The following SLC27A4 variants were observed in gnomAD, a reference collection of about 807,000 sequenced individuals.
The protein encoded by SLC27A4 is solute carrier family 27 member 4.
A neutral mutation model predicts 64.4 loss-of-function variants in SLC27A4; 33 were observed. The observed-to-expected ratio is 0.51, with a 90% CI of 0.39 to 0.68. The LOEUF (loss-of-function observed/expected upper bound fraction) is 0.68, where lower values mean the gene tolerates loss of function less well. Ranked by LOEUF, SLC27A4 falls within the 30% of genes least tolerant of loss-of-function variation. SLC27A4 has a pLI of 0.00. For synonymous variants in SLC27A4, 377 were observed against 370.0 expected, an observed-to-expected ratio of 1.02 and a Z score of -0.22; for missense variants, 824 against 883.5, an observed-to-expected ratio of 0.93 and a Z score of 0.85.
chr9:128,340,707 G>GC lies in SLC27A4; in HGVS notation c.-137dup. ...TGGCGGGGCGGCCGGGCCATGCAGG[G>GC]CGCAGAGCCGGCTAAACCCTGCTGA... On this transcript the variant is annotated 5_prime_UTR_variant, in exon 1 of 13. The change creates a premature stop within an existing upstream ORF in the 5' untranslated region. Coordinates refer to ENST00000300456, the MANE Select transcript of SLC27A4 (RefSeq NM_005094.4). 1.9e-6 allele frequency: 1 copy of GC among 536,074 alleles called. No individual in the cohort carries two copies. Among genetic ancestry groups the GC allele is most frequent in the South Asian group, 2.3e-5 (1 of 43,324 alleles). The allele number at this position is 536,074 out of a possible 1,614,324, so 33.2% of individuals were successfully genotyped here. A position where few individuals can be genotyped will look rare whatever the true frequency, so the allele number is the denominator to read the frequency against.
chr9:128,353,559 CAG>C lies in SLC27A4; in HGVS notation c.1324+23_1324+24del, dbSNP rs1832770934. ...CCAGCCAGGTCTGCCACTTCGGGGT[CAG>C]AGAGGGAGGGGTTGGCCTGGGAAGG... On this transcript the variant is annotated intron_variant, in intron 9 of 12. Coordinates refer to ENST00000300456, the MANE Select transcript of SLC27A4 (RefSeq NM_005094.4). The surrounding 1 kb of genome is among the most constrained non-coding windows in gnomAD (Gnocchi z 4.9). The C allele has an allele frequency of 6.2e-7, 1 of 1,612,962 alleles. No homozygotes were observed. Among genetic ancestry groups the C allele is most frequent in the East Asian group, 2.2e-5 (1 of 44,846 alleles).
chr9:128,356,791 CATAAAA>C (rs1397567833), intron 12 of SLC27A4, among the ~76,000 whole-genome samples: 1 of 127,836 alleles, frequency 7.8e-6, no homozygotes, highest in Non-Finnish European at 1.6e-5. Context: ...AAAATACAAA[CATAAAA>C]ATAAAAAAAT....
chr9:128,355,108 C>G lies in SLC27A4; in HGVS notation c.1380C>G (p.Phe460Leu). ...RIIQKDPLRRFDGYLNQGANN... is the reference protein window; with the variant it reads ...RIIQKDPLRRLDGYLNQGANN... ...TCCAGAAAGACCCCCTGCGCCGCTT[C>G]GATGGCTACCTCAACCAGGGCGCCA... Residue 460 changes from phenylalanine to leucine, a missense_variant, in exon 10 of 13, where the codon TTC (phenylalanine) becomes TTG (leucine). Phe to Leu is a conservative substitution (Grantham distance 22). Coordinates refer to ENST00000300456, the MANE Select transcript of SLC27A4 (RefSeq NM_005094.4). 6.2e-7 allele frequency: 1 copy of G among 1,613,566 alleles called. No individual in the cohort carries two copies. Among genetic ancestry groups the G allele is most frequent in the Non-Finnish European group, 8.5e-7 (1 of 1,179,808 alleles).
In SLC27A4 at chr9:128,348,602, C is replaced by G; in HGVS notation, c.614C>G (p.Ser205Cys). 2 of 1,613,822 alleles carry G rather than the reference C, an allele frequency of 1.2e-6. No homozygotes were observed. The highest frequency in any genetic ancestry group is 1.7e-6 in the Non-Finnish European group (2 of 1,180,028). ...DPSLSLFCSGSWEPGAVPPST... is the reference protein window; with the variant it reads ...DPSLSLFCSGCWEPGAVPPST... ...TCGCTCAGCCTCTTCTGCTCTGGCT[C>G]CTGGGAGCCCGGTGCGGTGCCTCCA... is the stretch of plus-strand genomic sequence containing the variant. The change falls in exon 4 of 13, where the codon TCC becomes TGC. Residue 205 changes from serine to cysteine, a missense_variant. Transcript: ENST00000300456.
At chr9:128,343,003 C>T (rs1832599158) in intron 1 of SLC27A4, 124 bp from the exon 2 acceptor site, 5 of 1,275,304 alleles carry the variant, frequency 3.9e-6, no homozygotes, top group Admixed American at 4.0e-5. Flanking sequence ...TCACCCAACT[C>T]AGTATGGCTA....
rs1832554723 is a variant in SLC27A4, at chr9:128,340,643, G to T, written c.-202G>T. On this transcript the variant is annotated 5_prime_UTR_variant, in exon 1 of 13. Coordinates refer to ENST00000300456, the MANE Select transcript of SLC27A4 (RefSeq NM_005094.4). ...GTTTGGGGTGCGGGAGGCGGGCGGGGTAGGAGCGCGGCGGGCGGGGCCGGG... is the reference window on the plus strand; with the variant it reads ...GTTTGGGGTGCGGGAGGCGGGCGGGTTAGGAGCGCGGCGGGCGGGGCCGGG... 6.3e-6 allele frequency: 2 copies of T among 315,870 alleles called. No homozygotes were observed. The highest frequency in any genetic ancestry group is 1.1e-5 in the Non-Finnish European group (2 of 177,606). The allele number at this position is 315,870 out of a possible 1,614,324, so 19.6% of individuals were successfully genotyped here.
intron 4 of SLC27A4, among the ~76,000 whole-genome samples, chr9:128,349,464 C>T (rs1832703474): frequency 6.6e-6 from 1 of 152,154 alleles, no homozygotes; most frequent in African/African-American, 2.4e-5. Flanking sequence ...GGGGCCAGTC[C>T]TGAAGCTAGG....
rs1208801258 is a variant in SLC27A4 at position 128,345,973 on chromosome 9, T to G, written c.556+424T>G. On this transcript the variant is annotated intron_variant, in intron 3 of 12. Transcript: ENST00000300456. This position sits in a 1 kb window ranked among gnomAD's most constrained non-coding sequence, Gnocchi z 4.1. ...TGGAGTGCAGTGGTGCAGTCACAGC[T>G]CACTGCAGCCTTGACCTCTCAGGCT... Among the ~76,000 whole-genome samples, 3 of 151,992 alleles carry G rather than the reference T, an allele frequency of 2.0e-5. No individual in the cohort carries two copies. The highest frequency in any genetic ancestry group is 4.4e-5 in the Non-Finnish European group (3 of 67,996).
chr9:128,348,332 G>A (rs1318494095), intron 3 of SLC27A4, among the ~76,000 whole-genome samples: 1 of 152,216 alleles, frequency 6.6e-6, no homozygotes, highest in Non-Finnish European at 1.5e-5. Flanking sequence ...TGAGACCAGG[G>A]AATGCAGGTA....
intron 6 of SLC27A4, among the ~76,000 whole-genome samples, chr9:128,351,127 G>C (rs991801722): frequency 9.2e-5 from 14 of 152,094 alleles, no homozygotes; most frequent in African/African-American, 3.4e-4. Flanking sequence ...ATCTGGGTGT[G>C]GTGGCGTGTG....
chr9:128,353,487 G>T lies in SLC27A4; in HGVS notation c.1270G>T (p.Asp424Tyr). The part of the protein sequence containing the change: ...YPIRLVRVNE[D>Y]TMELIRGPDG... ...CATCCGGTTGGTACGTGTCAACGAGGACACCATGGAGCTGATCCGGGGGCC... is the reference window on the plus strand; with the variant it reads ...CATCCGGTTGGTACGTGTCAACGAGTACACCATGGAGCTGATCCGGGGGCC... Residue 424 changes from aspartate (D) to tyrosine (Y), a missense_variant, in exon 9 of 13, where the codon GAC (aspartate) becomes TAC (tyrosine). Transcript: ENST00000300456. The surrounding 1 kb of genome is among the most constrained non-coding windows in gnomAD (Gnocchi z 4.9). 1 of 1,614,110 alleles carries T rather than the reference G, an allele frequency of 6.2e-7. No individual in the cohort carries two copies. Among genetic ancestry groups the T allele is most frequent in the African/African-American group, 1.3e-5 (1 of 75,020 alleles).
intron 2 of SLC27A4, 105 bp downstream of exon 2, chr9:128,343,398 C>T: frequency 1.5e-6 from 2 of 1,367,670 alleles, no homozygotes; most frequent in Non-Finnish European, 2.1e-6. Flanking sequence ...CAGCACAGGG[C>T]AGCTGAGCTG....
intron 7 of SLC27A4, 96 bp from the exon 8 acceptor site, chr9:128,352,929 A>C (rs192413607): frequency 1.5e-5 from 18 of 1,218,656 alleles, no homozygotes; most frequent in Non-Finnish European, 2.1e-5. Context: ...TGGCATGGCC[A>C]GCCCCTGGGG....
intron 3 of SLC27A4, among the ~76,000 whole-genome samples, chr9:128,346,765 G>A: frequency 6.6e-6 from 1 of 151,762 alleles, no homozygotes; most frequent in South Asian, 2.1e-4. Context: ...CACTTTAGGA[G>A]GTCGAGGTGG....
Position 128,360,456 on chromosome 9 carries a change from TACAGCCGCATCCAG to T in SLC27A4, c.1898_1911del (p.Tyr633CysfsTer70), listed in dbSNP as rs1266849380. The T allele has an allele frequency of 6.2e-7, 1 of 1,613,930 alleles. No individual in the cohort carries two copies. Among genetic ancestry groups the T allele is most frequent in the Non-Finnish European group, 8.5e-7 (1 of 1,180,028 alleles). ...CTACGTCCCGCTGGACCAAGAGGCC[TACAGCCGCATCCAG>T]GCAGGCGAGGAGAAGCTGTGATTCC... is the stretch of plus-strand genomic sequence containing the variant. On this transcript the variant is annotated frameshift_variant, in exon 13 of 13. Coordinates refer to ENST00000300456, the MANE Select transcript of SLC27A4 (RefSeq NM_005094.4). LOFTEE classifies it high-confidence loss of function.
At chr9:128,341,417 C>T (rs1832569977) in intron 1 of SLC27A4, among the ~76,000 whole-genome samples, 1 of 152,214 alleles carries the variant, frequency 6.6e-6, no homozygotes, top group Non-Finnish European at 1.5e-5. Context: ...GAAGCACAGT[C>T]AAGTCATTCG....
chr9:128,342,365 A>G, intron 1 of SLC27A4: 1 of 1,611,104 alleles, frequency 6.2e-7, no homozygotes, highest in Non-Finnish European at 8.5e-7. Context: ...AGCGAATCGT[A>G]ATGAGGCGTG....
chr9:128,343,362 C>T, intron 2 of SLC27A4, 69 bp downstream of exon 2: 1 of 1,580,750 alleles, frequency 6.3e-7, no homozygotes, highest in Non-Finnish European at 8.7e-7. Flanking sequence ...CCCAAATCTC[C>T]CCAGGCCAGA....
chr9:128,345,210 C>A lies in SLC27A4; in HGVS notation c.217C>A (p.Arg73=). 1.2e-6 allele frequency: 2 copies of A among 1,613,664 alleles called. No individual in the cohort carries two copies. Among genetic ancestry groups the A allele is most frequent in the Non-Finnish European group, 1.7e-6 (2 of 1,180,002 alleles). The part of the protein sequence containing the change: ...KAKVRQCLQE[R]RTVPILFAST... The stretch of plus-strand genomic sequence containing the variant: ...AAAGGTGCGACAGTGCCTGCAGGAG[C>A]GGCGGACAGTGCCCATTTTGTTTGC... Residue 73 remains arginine, a synonymous_variant, in exon 3 of 13, where the codon CGG becomes AGG. Coordinates refer to ENST00000300456, the MANE Select transcript of SLC27A4 (RefSeq NM_005094.4). This position sits in a 1 kb window ranked among gnomAD's most constrained non-coding sequence, Gnocchi z 4.1.
Sources: gnomAD v4.1 joint callset for allele counts (sites outside exome capture counted in the v4.1 genomes callset) on GRCh38, gnomAD v4.1.1 for gene constraint, Gnocchi (gnomAD v3.1) non-coding constraint, MANE v1.5 for transcripts, NCBI Gene and HGNC (gene_info 2026-07-23, HGNC 2026-07-21) for gene names.